AACS: variants seen among roughly 807,000 people sequenced by gnomAD.
AACS encodes acetoacetate-CoA ligase.
In AACS, 69 loss-of-function variants were observed where a neutral mutation model predicts 83.1. That is an observed-to-expected ratio of 0.83 (90% confidence interval 0.68 to 1.01). The LOEUF is 1.01. AACS is among the 50% of genes least tolerant of loss of function. AACS has a pLI of 0.00. For missense variants in AACS, 866 were observed against 882.2 expected (o/e 0.98, Z 0.23); for synonymous variants, 333 against 343.4 (o/e 0.97, Z 0.33).
At chr12:125,118,817 G>T (rs113075195) in intron 10 of AACS, 52 bp downstream of exon 10, 5 of 1,602,650 alleles carry the variant, frequency 3.1e-6, no homozygotes, top group East Asian at 2.2e-5. Context: ...CACCAGGAAG[G>T]CTCCTTGGGA....
At position 125,112,678 on chromosome 12, in the gene AACS, C is replaced by CAAAAAAAA. The variant is rs56314902; in HGVS notation, c.916-1793_916-1786dup. ...CTGGTGACAGAGCGAGACTCTGTCTCAAAAAAAAAAAAAGACATACTGAGA... is the reference window on the plus strand; with the variant it reads ...CTGGTGACAGAGCGAGACTCTGTCTCAAAAAAAAAAAAAAAAAAAAAGACATACTGAGA... On this transcript the variant is annotated intron_variant, in intron 8 of 17. Coordinates refer to ENST00000316519, the MANE Select transcript of AACS (RefSeq NM_023928.5). 6.5e-5 allele frequency among the ~76,000 whole-genome samples: 7 copies of CAAAAAAAA among 108,442 alleles called. 1 individual carries two copies. Among genetic ancestry groups the CAAAAAAAA allele is most frequent in the African/African-American group, 7.7e-5 (2 of 25,942 alleles). 71.1% of individuals were successfully genotyped at this position (108,442 alleles called of 152,430 possible).
rs1468407659 is a variant in AACS, at chr12:125,072,914, C to CT, written c.134-958dup. ...AGGAGGGAGACCTTTTACCATGTAA[C>CT]TTTTGTTTTTTTTTTTTTTTTTTTT... On this transcript the variant is annotated intron_variant, in intron 1 of 17. Coordinates refer to ENST00000316519, the MANE Select transcript of AACS (RefSeq NM_023928.5). Among the ~76,000 whole-genome samples, 45 of 112,224 alleles carry CT rather than the reference C, an allele frequency of 4.0e-4. 1 individual carries two copies. Among genetic ancestry groups the CT allele is most frequent in the African/African-American group, 1.4e-3 (43 of 29,926 alleles). The allele number at this position is 112,224 out of a possible 152,430, so 73.6% of individuals were successfully genotyped here. A position where few individuals can be genotyped will look rare whatever the true frequency, so the allele number is the denominator to read the frequency against.
At chr12:125,110,539 C>G (rs1360521531) in intron 8 of AACS, among the ~76,000 whole-genome samples, 1 of 152,170 alleles carries the variant, frequency 6.6e-6, no homozygotes, top group Non-Finnish European at 1.5e-5. Flanking sequence ...CCTCACGCTG[C>G]TCTAGGCTCT....
chr12:125,074,006 A>G (rs772177710), intron 2 of AACS, 27 bp downstream of exon 2: 18 of 1,565,916 alleles, frequency 1.1e-5, no homozygotes, highest in Admixed American at 3.4e-5. Context: ...CGTGGATATC[A>G]TCTCTTTTTG....
chr12:125,066,844 C>T (rs538070007), intron 1 of AACS, among the ~76,000 whole-genome samples: 3 of 152,220 alleles, frequency 2.0e-5, no homozygotes, highest in East Asian at 3.9e-4. Context: ...TGTTCTTGCT[C>T]AGGCTCACAG....
chr12:125,082,891 T>A (rs1486133431), intron 3 of AACS, among the ~76,000 whole-genome samples: 2 of 152,130 alleles, frequency 1.3e-5, no homozygotes, highest in Non-Finnish European at 2.9e-5. Flanking sequence ...CGATGATCAA[T>A]CAGGAGCAAA....
At chr12:125,082,171 ATTT>A (rs71092271) in intron 3 of AACS, among the ~76,000 whole-genome samples, 51 of 131,862 alleles carry the variant, frequency 3.9e-4, no homozygotes, top group Non-Finnish European at 4.4e-4. Flanking sequence ...GCCCAGCCTG[ATTT>A]TTTTTTTTTT....
At chr12:125,099,206 G>T (rs1473036758) in intron 5 of AACS, among the ~76,000 whole-genome samples, 2 of 152,154 alleles carry the variant, frequency 1.3e-5, no homozygotes, top group Non-Finnish European at 2.9e-5. Context: ...GATAACATTG[G>T]TCTGTAATCT....
In AACS at chr12:125,129,656, C is replaced by T. The variant is rs1957301683; in HGVS notation, c.1549+196C>T. 1.3e-5 allele frequency among the ~76,000 whole-genome samples: 2 copies of T among 152,140 alleles called. No individual in the cohort carries two copies. The highest frequency in any genetic ancestry group is 2.1e-4 in the South Asian group (1 of 4,826). ...CTTGTTGTCTTCAGCTTGAAGCTAT[C>T]GTGTGCAACTGCAATCTGGTTTAGT... On this transcript the variant is annotated intron_variant, in intron 14 of 17. Transcript: ENST00000316519. This position sits in a 1 kb window ranked among gnomAD's most constrained non-coding sequence, Gnocchi z 4.3.
intron 10 of AACS, chr12:125,122,915 G>A (rs935524569): frequency 6.6e-6 from 1 of 152,274 alleles, no homozygotes; most frequent in Non-Finnish European, 1.5e-5. Flanking sequence ...GACGTGGCAT[G>A]AGTGCCCGCA....
intron 8 of AACS, among the ~76,000 whole-genome samples, chr12:125,110,792 C>A (rs933254738): frequency 6.6e-6 from 1 of 152,184 alleles, no homozygotes; most frequent in African/African-American, 2.4e-5. Context: ...CTTTTATAGA[C>A]GTTCCCTCTA....
chr12:125,142,058 T>G, intron 17 of AACS, 34 bp from the exon 18 acceptor site: 1 of 1,612,818 alleles, frequency 6.2e-7, no homozygotes, highest in East Asian at 2.2e-5. Context: ...CCTTCAGGTT[T>G]AAATGTTCCT....
intron 1 of AACS, among the ~76,000 whole-genome samples, 170 bp from the exon 2 acceptor site, chr12:125,073,706 G>C (rs1955939974): frequency 6.6e-6 from 1 of 152,122 alleles, no homozygotes; most frequent in African/African-American, 2.4e-5. Flanking sequence ...GGGGACTAGT[G>C]GTGTTGGGTT....
At chr12:125,100,737 G>A (rs897729014) in intron 5 of AACS, among the ~76,000 whole-genome samples, 2 of 152,152 alleles carry the variant, frequency 1.3e-5, no homozygotes, top group African/African-American at 4.8e-5. Context: ...GGGGCCCCAG[G>A]TGAGGCTGAC....
At chr12:125,105,603 G>T (rs556293729) in intron 7 of AACS, 3 of 152,286 alleles carry the variant, frequency 2.0e-5, no homozygotes, top group Admixed American at 2.0e-4. Context: ...TAAAATGAGG[G>T]CATCCAGCAG....
At chr12:125,081,873 A>AT (rs1956196091) in intron 3 of AACS, among the ~76,000 whole-genome samples, 1 of 151,870 alleles carries the variant, frequency 6.6e-6, no homozygotes, top group Admixed American at 6.6e-5. Flanking sequence ...AGGAAAAAAA[A>AT]AACGAGTTTT....
chr12:125,076,384 C>CGG, intron 2 of AACS, 107 bp from the exon 3 acceptor site: 2 of 1,489,440 alleles, frequency 1.3e-6, no homozygotes, highest in Non-Finnish European at 1.8e-6. Flanking sequence ...AGCTGGCTTC[C>CGG]TGGGAAGAAG....
chr12:125,136,330 G>A lies in AACS; in HGVS notation c.1679-332G>A, dbSNP rs527776340. On this transcript the variant is annotated intron_variant, in intron 16 of 17. Coordinates refer to ENST00000316519, the MANE Select transcript of AACS (RefSeq NM_023928.5). ...CTCCCAGAGTGCTGGGATTATAGGC[G>A]TGAGCCACCATGCCCGGCCCTCTTT... 4.9e-5 allele frequency: 15 copies of A among 307,560 alleles called. No individual in the cohort carries two copies. The East Asian group carries it at 5.8e-4, about 12-fold the overall frequency. The allele number at this position is 307,560 out of a possible 1,614,324, so 19.1% of individuals were successfully genotyped here.
chr12:125,133,451 G>C (rs867941359), intron 14 of AACS, among the ~76,000 whole-genome samples: 1 of 152,102 alleles, frequency 6.6e-6, no homozygotes, highest in African/African-American at 2.4e-5. Flanking sequence ...CCTCTTCCCC[G>C]TCTCCTCATC....
Sources: allele counts gnomAD v4.1 joint callset (sites outside exome capture counted in the v4.1 genomes callset), GRCh38; gene constraint gnomAD v4.1.1; non-coding constraint Gnocchi (gnomAD v3.1); transcripts MANE v1.5; gene names NCBI Gene and HGNC (gene_info 2026-07-23, HGNC 2026-07-21).